Variants in ZSCAN29 observed in about 807,000 individuals in gnomAD.
The protein encoded by ZSCAN29 is zinc finger and SCAN domain containing 29.
ZSCAN29 carries 55 observed loss-of-function variants against 71.9 expected under a neutral mutation model. That is an observed-to-expected ratio of 0.76 (90% CI 0.62 to 0.96). The LOEUF (loss-of-function observed/expected upper bound fraction) is 0.96, where lower values mean the gene tolerates loss of function less well. Among genes scored for constraint, ZSCAN29 ranks in the 40% least tolerant of loss-of-function variants. ZSCAN29 has a pLI of 0.00. For synonymous variants in ZSCAN29, 351 were observed against 371.6 expected (o/e 0.94, Z 0.64); for missense variants, 1,042 against 1,042.2 (o/e 1.00, Z 0.00).
rs2044085682 is a variant in ZSCAN29, at chr15:43,369,998, T to G, written c.-85A>C. The G allele has an allele frequency of 7.5e-7, 1 of 1,335,934 alleles. No individual in the cohort carries two copies. Among genetic ancestry groups the G allele is most frequent in the Non-Finnish European group, 1.0e-6 (1 of 982,578 alleles). 82.8% of individuals were successfully genotyped at this position (1,335,934 alleles called of 1,614,324 possible). A position where few individuals can be genotyped will look rare whatever the true frequency, so the allele number is the denominator to read the frequency against. On this transcript the variant is annotated 5_prime_UTR_variant, in exon 2 of 6. Coordinates refer to ENST00000684362, the MANE Select transcript of ZSCAN29 (RefSeq NM_001372080.1). ...CTTCCCATGTCCTTGGAGAATCCCC[T>G]GCAGATGACTGTAAGAGGTGTTTCT...
At chr15:43,364,602 G>C (rs1409785097) in intron 4 of ZSCAN29, 11 of 618,916 alleles carry the variant, frequency 1.8e-5, no homozygotes, top group Non-Finnish European at 2.9e-5. Context: ...TACAAATTCT[G>C]TTTAGCCATA....
rs1595468949 is a variant in ZSCAN29, at chr15:43,368,352, C to T, written c.523+571G>A. On this transcript the variant is annotated intron_variant, in intron 3 of 5. Transcript: ENST00000684362. The stretch of plus-strand genomic sequence containing the variant: ...CATCCCGGCTAAAACGGTGAAACCC[C>T]GTCTCTACTAAAAATACAAAAAAAT... 4.3e-5 allele frequency among the ~76,000 whole-genome samples: 3 copies of T among 69,488 alleles called. 1 individual carries two copies. The allele number at this position is 69,488 out of a possible 152,430, so 45.6% of individuals were successfully genotyped here.
intron 4 of ZSCAN29, 58 bp downstream of exon 4, chr15:43,366,052 T>A: frequency 6.6e-7 from 1 of 1,519,286 alleles, no homozygotes; most frequent in Non-Finnish European, 8.9e-7. Context: ...TGACTCCACA[T>A]CCAGTCTCTT....
rs1254747271 is a variant in ZSCAN29 at position 43,366,483 on chromosome 15, A to C, written c.849T>G (p.Ala283=). The C allele has an allele frequency of 2.5e-6, 4 of 1,614,124 alleles. No homozygotes were observed. The highest frequency in any genetic ancestry group is 3.4e-6 in the Non-Finnish European group (4 of 1,180,052). ...GGAAGCCATATTCCCTGAGCCGCTC[A>C]GCCACAGCCCCATACACTTGGCTGT... is the stretch of plus-strand genomic sequence containing the variant. ...HRNSQVYGAV[A]ERLREYGFLR... The change falls in exon 4 of 6, where the codon GCT becomes GCG. Residue 283 remains alanine (A), a synonymous_variant. Coordinates refer to ENST00000684362, the MANE Select transcript of ZSCAN29 (RefSeq NM_001372080.1).
Position 43,364,287 on chromosome 15 carries a change from G to T in ZSCAN29, c.1318C>A (p.Gln440Lys), listed in dbSNP as rs1255761033. Residue 440 changes from glutamine to lysine, a missense_variant, in exon 5 of 6, where the codon CAG (glutamine) becomes AAG (lysine). Gln to Lys is a moderately conservative substitution (Grantham distance 53). Coordinates refer to ENST00000684362, the MANE Select transcript of ZSCAN29 (RefSeq NM_001372080.1). ...EALRNCHRNSQLYGAVAERLW... is the reference protein window; with the variant it reads ...EALRNCHRNSKLYGAVAERLW... ...CTCTCAGCCACTGCTCCATACAGCTGGCTGTTGCGGTGACAGTTCCGGAGG... is the reference window on the plus strand; with the variant it reads ...CTCTCAGCCACTGCTCCATACAGCTTGCTGTTGCGGTGACAGTTCCGGAGG... 4 of 1,614,048 alleles carry T rather than the reference G, an allele frequency of 2.5e-6. No homozygotes were observed. The East Asian group carries it at 8.9e-5, about 36-fold the overall frequency.
chr15:43,368,778 A>G, intron 3 of ZSCAN29, 145 bp downstream of exon 3: 1 of 692,516 alleles, frequency 1.4e-6, no homozygotes, highest in Non-Finnish European at 2.4e-6. Context: ...AGGTAATATG[A>G]ATACCAGAGG....
chr15:43,366,244 CCTGGCT>C lies in ZSCAN29; in HGVS notation c.1082_1087del (p.Glu361_Pro362del). On this transcript the variant is annotated inframe_deletion, in exon 4 of 6. Transcript: ENST00000684362. ...CTCCTCATGCTGCCAGCCCCTCTGC[CCTGGCT>C]CTTCAGTCTCAGCATCGCTGCCTAC... is the stretch of plus-strand genomic sequence containing the variant. The C allele has an allele frequency of 1.2e-6, 2 of 1,613,742 alleles. No homozygotes were observed. Among genetic ancestry groups the C allele is most frequent in the Non-Finnish European group, 1.7e-6 (2 of 1,180,032 alleles).
chr15:43,367,573 C>A (rs935917696), intron 3 of ZSCAN29, among the ~76,000 whole-genome samples: 1 of 152,176 alleles, frequency 6.6e-6, no homozygotes, highest in Non-Finnish European at 1.5e-5. Context: ...TCTGACAAAC[C>A]CATACGGTAC....
At position 43,364,198 on chromosome 15, in the gene ZSCAN29, T is replaced by G. The variant is rs1479078547; in HGVS notation, c.1407A>C (p.Gln469His). 1 of 1,614,214 alleles carries G rather than the reference T, an allele frequency of 6.2e-7. No homozygotes were observed. The highest frequency in any genetic ancestry group is 1.3e-5 in the African/African-American group (1 of 75,048). The change falls in exon 5 of 6, where the codon CAA becomes CAC. Residue 469 changes from glutamine (Q) to histidine (H), a missense_variant. Gln to His is a conservative substitution (Grantham distance 24, BLOSUM62 0). Transcript: ENST00000684362. ...EQCRTKFKSL[Q>H]TSYRKVKNGQ... ...CATTCTTAACTTTCCGATAGCTGGT[T>G]TGCAGGCTTTTAAACTTGGTCCGAC...
rs144886664 is a variant in ZSCAN29, at chr15:43,364,551, G to C, written c.1223-169C>G. ...CCACAAACTCAGTATAGAATGTTTT[G>C]CTTCTTTATATCCTTTAGCAATTTC... On this transcript the variant is annotated intron_variant, in intron 4 of 5. Coordinates refer to ENST00000684362, the MANE Select transcript of ZSCAN29 (RefSeq NM_001372080.1). 182 of 730,230 alleles carry C rather than the reference G, an allele frequency of 2.5e-4. 1 individual carries two copies. In the Middle Eastern group the frequency reaches 3.9e-3, roughly 16 times the overall value. The allele number at this position is 730,230 out of a possible 1,614,324, so 45.2% of individuals were successfully genotyped here.
Position 43,361,700 on chromosome 15 carries a change from A to G in ZSCAN29, c.1932T>C (p.Pro644=). Residue 644 remains proline, a synonymous_variant, in exon 6 of 6, where the codon CCT becomes CCC. Transcript: ENST00000684362. ...SLSEVLSQQR[P]CLGERPYKYL... ...ATTTATAGGGTCTCTCTCCCAAGCA[A>G]GGTCTCTGTTGACTTAGGACTTCAC... The G allele has an allele frequency of 6.2e-7, 1 of 1,614,214 alleles. No individual in the cohort carries two copies. Among genetic ancestry groups the G allele is most frequent in the Non-Finnish European group, 8.5e-7 (1 of 1,180,040 alleles).
In ZSCAN29 at chr15:43,370,583, A is replaced by T. The variant is rs2142743569; in HGVS notation, c.-138T>A. 6.5e-6 allele frequency: 1 copy of T among 152,712 alleles called. No individual in the cohort carries two copies. Among genetic ancestry groups the T allele is most frequent in the Non-Finnish European group, 1.5e-5 (1 of 68,372 alleles). The allele number at this position is 152,712 out of a possible 1,614,324, so 9.5% of individuals were successfully genotyped here. A position where few individuals can be genotyped will look rare whatever the true frequency, so the allele number is the denominator to read the frequency against. Reference sequence around the variant, plus strand: ...CTGTCGGAAAACCTCGCGCAAGGAGAGAAGCTGGTTTTGGCTCCAAAGCGA... The same window carrying T: ...CTGTCGGAAAACCTCGCGCAAGGAGTGAAGCTGGTTTTGGCTCCAAAGCGA... On this transcript the variant is annotated 5_prime_UTR_variant, in exon 1 of 6. Transcript: ENST00000684362.
Position 43,370,008 on chromosome 15 carries a change from TG to T in ZSCAN29, c.-96del. The T allele has an allele frequency of 8.0e-7, 1 of 1,254,852 alleles. No homozygotes were observed. The highest frequency in any genetic ancestry group is 1.1e-6 in the Non-Finnish European group (1 of 911,866). The allele number at this position is 1,254,852 out of a possible 1,614,324, so 77.7% of individuals were successfully genotyped here. On this transcript the variant is annotated 5_prime_UTR_variant, in exon 2 of 6. An upstream open reading frame in the 5' UTR gains an earlier in-frame stop. Coordinates refer to ENST00000684362, the MANE Select transcript of ZSCAN29 (RefSeq NM_001372080.1). Reference sequence around the variant, plus strand: ...CCTTGGAGAATCCCCTGCAGATGACTGTAAGAGGTGTTTCTTCCTAGGGCAG... The same window carrying T: ...CCTTGGAGAATCCCCTGCAGATGACTTAAGAGGTGTTTCTTCCTAGGGCAG...
rs79105877 is a variant in ZSCAN29 at position 43,364,242 on chromosome 15, G to C, written c.1363C>G (p.Leu455Val). Residue 455 changes from leucine to valine, a missense_variant, in exon 5 of 6, where the codon CTT (leucine) becomes GTT (valine). Leu to Val is a conservative substitution (Grantham distance 32, BLOSUM62 1). Transcript: ENST00000684362. ...VAERLWEYGF[L>V]RTPEQCRTKF... ...GTCCGACACTGTTCTGGGGTCCTAA[G>C]AAAGCCATATTCCCATAACCTCTCA... is the stretch of plus-strand genomic sequence containing the variant. 2.5e-6 allele frequency: 4 copies of C among 1,614,196 alleles called. No homozygotes were observed. The highest frequency in any genetic ancestry group is 3.4e-6 in the Non-Finnish European group (4 of 1,180,034).
Position 43,361,765 on chromosome 15 carries a change from C to T in ZSCAN29, c.1867G>A (p.Glu623Lys), listed in dbSNP as rs150098604. 1 of 1,614,164 alleles carries T rather than the reference C, an allele frequency of 6.2e-7. No individual in the cohort carries two copies. Among genetic ancestry groups the T allele is most frequent in the East Asian group, 2.2e-5 (1 of 44,876 alleles). ...GGGAGTGTCAGTTTTCCTCTTTTCTCCCCTGAGGTCTTTGCCCACTGTCTT... is the reference window on the plus strand; with the variant it reads ...GGGAGTGTCAGTTTTCCTCTTTTCTTCCCTGAGGTCTTTGCCCACTGTCTT... ...SGRQWAKTSG[E>K]KRGKLTLPEK... Residue 623 changes from glutamate to lysine, a missense_variant, in exon 6 of 6, where the codon GAG becomes AAG. Transcript: ENST00000684362.
In ZSCAN29 at chr15:43,364,356, T is replaced by C; in HGVS notation, c.1249A>G (p.Lys417Glu). Residue 417 changes from lysine to glutamate, a missense_variant, in exon 5 of 6, where the codon AAG becomes GAG. Transcript: ENST00000684362. ...TCACTAAGAATTGCAAGGTAAGTCT[T>C]GGTCTCTTCATAGCCCCAGTGTACA... ...GGVHWGYEET[K>E]TYLAILSETQ... is the part of the protein sequence containing the mutation. 6.2e-7 allele frequency: 1 copy of C among 1,614,100 alleles called. No individual in the cohort carries two copies. Among genetic ancestry groups the C allele is most frequent in the Non-Finnish European group, 8.5e-7 (1 of 1,180,034 alleles).
At position 43,364,188 on chromosome 15, in the gene ZSCAN29, G is replaced by A. The variant is rs369750925; in HGVS notation, c.1417C>T (p.Arg473Trp). 15 of 1,614,048 alleles carry A rather than the reference G, an allele frequency of 9.3e-6. No individual in the cohort carries two copies. The highest frequency in any genetic ancestry group is 1.3e-5 in the African/African-American group (1 of 74,904). Residue 473 changes from arginine to tryptophan, a missense_variant, in exon 5 of 6, where the codon CGG (arginine) becomes TGG (tryptophan). Transcript: ENST00000684362. ...GGTGCCTGGCCATTCTTAACTTTCCGATAGCTGGTTTGCAGGCTTTTAAAC... is the reference window on the plus strand; with the variant it reads ...GGTGCCTGGCCATTCTTAACTTTCCAATAGCTGGTTTGCAGGCTTTTAAAC... ...TKFKSLQTSY[R>W]KVKNGQAPET...
chr15:43,364,612 A>T, intron 4 of ZSCAN29: 2 of 582,422 alleles, frequency 3.4e-6, no homozygotes, highest in Non-Finnish European at 6.3e-6. Flanking sequence ...GTTTAGCCAT[A>T]TAAAAAAGAA....
chr15:43,364,374 A>T lies in ZSCAN29; in HGVS notation c.1231T>A (p.Trp411Arg). The T allele has an allele frequency of 6.2e-7, 1 of 1,613,646 alleles. No individual in the cohort carries two copies. Among genetic ancestry groups the T allele is most frequent in the Non-Finnish European group, 8.5e-7 (1 of 1,179,936 alleles). ...VVFRSPGGVH[W>R]GYEETKTYLA... Reference sequence around the variant, plus strand: ...TAAGTCTTGGTCTCTTCATAGCCCCAGTGTACACCTGCCACCAGAAGAGAA... The same window carrying T: ...TAAGTCTTGGTCTCTTCATAGCCCCTGTGTACACCTGCCACCAGAAGAGAA... The change falls in exon 5 of 6, where the codon TGG (tryptophan) becomes AGG (arginine). Residue 411 changes from tryptophan to arginine, a missense_variant. Trp to Arg is a moderately radical substitution (Grantham distance 101). Coordinates refer to ENST00000684362, the MANE Select transcript of ZSCAN29 (RefSeq NM_001372080.1).
Sources: gnomAD v4.1 joint callset for allele counts (sites outside exome capture counted in the v4.1 genomes callset) on GRCh38, gnomAD v4.1.1 for gene constraint, MANE v1.5 for transcripts, NCBI Gene and HGNC (gene_info 2026-07-23, HGNC 2026-07-21) for gene names.